Variants in CNTN3 observed in about 807,000 individuals in gnomAD.
The protein encoded by CNTN3 is contactin-3.
CNTN3 carries 60 observed loss-of-function variants against 119.1 expected under a neutral mutation model. That is an observed-to-expected ratio of 0.50 (90% CI 0.41 to 0.62). The LOEUF is 0.62. CNTN3 is among the 20% of genes least tolerant of loss of function. The pLI, the probability that CNTN3 is intolerant of heterozygous loss-of-function variation, is 0.00. For synonymous variants in CNTN3, 450 were observed against 438.7 expected, an observed-to-expected ratio of 1.03 and a Z score of -0.32; for missense variants, 1,101 against 1,242.4, an observed-to-expected ratio of 0.89 and a Z score of 1.71.
chr3:74,303,159 T>C (rs903910814), intron 13 of CNTN3, among the ~76,000 whole-genome samples: 1 of 152,150 alleles, frequency 6.6e-6, no homozygotes, highest in African/African-American at 2.4e-5. Context: ...GCTCAACTCT[T>C]TTCTCTGGTT....
At chr3:74,333,718 C>A (rs1303320197) in intron 13 of CNTN3, among the ~76,000 whole-genome samples, 1 of 151,074 alleles carries the variant, frequency 6.6e-6, no homozygotes, top group African/African-American at 2.5e-5. Context: ...TGGGAGGACA[C>A]AATTCAACTC....
At chr3:74,308,070 T>G (rs1483731767) in intron 13 of CNTN3, among the ~76,000 whole-genome samples, 1 of 152,192 alleles carries the variant, frequency 6.6e-6, no homozygotes, top group African/African-American at 2.4e-5. Flanking sequence ...AAGTTCCTTC[T>G]GGAACCTGGT....
At chr3:74,592,200 C>T (rs1704714901) in intron 1 of CNTN3, among the ~76,000 whole-genome samples, 1 of 151,808 alleles carries the variant, frequency 6.6e-6, no homozygotes, top group Admixed American at 6.6e-5. Context: ...GCTTGTGATC[C>T]TCAGGATTGC....
At chr3:74,292,363 G>C (rs553535092) in intron 19 of CNTN3, among the ~76,000 whole-genome samples, 1 of 152,248 alleles carries the variant, frequency 6.6e-6, no homozygotes, top group African/African-American at 2.4e-5. Context: ...TTGAGAGTTA[G>C]AGACTAGCCT....
chr3:74,442,727 T>G (rs1701987516), intron 4 of CNTN3, among the ~76,000 whole-genome samples: 1 of 152,188 alleles, frequency 6.6e-6, no homozygotes, highest in Admixed American at 6.5e-5. Flanking sequence ...ATAGCTCACA[T>G]TTAATTGGAT....
chr3:74,405,261 ACT>A (rs1705296574), intron 5 of CNTN3, among the ~76,000 whole-genome samples: 1 of 151,958 alleles, frequency 6.6e-6, no homozygotes, highest in African/African-American at 2.4e-5. Flanking sequence ...TCGATAATCT[ACT>A]CTTTCTCTCA....
intron 11 of CNTN3, among the ~76,000 whole-genome samples, chr3:74,356,235 T>G (rs1703931687): frequency 2.0e-5 from 3 of 152,080 alleles, no homozygotes; most frequent in Non-Finnish European, 1.5e-5. Context: ...CCTCCAGAAC[T>G]GTGAACAATA....
intron 5 of CNTN3, among the ~76,000 whole-genome samples, chr3:74,389,317 A>G (rs937150768): frequency 1.3e-5 from 2 of 152,276 alleles, no homozygotes; most frequent in Middle Eastern, 3.4e-3. Context: ...AAGGGAAAAC[A>G]GGTATTCTCC....
Position 74,285,103 on chromosome 3 carries a change from T to C in CNTN3, c.2704+202A>G, listed in dbSNP as rs113230069. The stretch of plus-strand genomic sequence containing the variant: ...GATTTTTTCAGAAGGTGCACGTTCA[T>C]TTTCACACTCTACCTAAAGATTTAG... On this transcript the variant is annotated intron_variant, in intron 20 of 22. Coordinates refer to ENST00000263665, the MANE Select transcript of CNTN3 (RefSeq NM_020872.3). 3.9e-5 allele frequency among the ~76,000 whole-genome samples: 6 copies of C among 152,276 alleles called. 1 individual carries two copies. The highest frequency in any genetic ancestry group is 1.4e-4 in the African/African-American group (6 of 41,532).
intron 11 of CNTN3, among the ~76,000 whole-genome samples, chr3:74,358,702 T>C (rs1178110536): frequency 6.6e-6 from 1 of 151,030 alleles, no homozygotes; most frequent in Non-Finnish European, 1.5e-5. Flanking sequence ...GCTGGTGCGC[T>C]GCACCCACTA....
intron 5 of CNTN3, among the ~76,000 whole-genome samples, chr3:74,409,799 T>TATCCATTC: frequency 6.6e-6 from 1 of 152,332 alleles, no homozygotes; most frequent in Admixed American, 6.5e-5. Flanking sequence ...GTTATTGGAA[T>TATCCATTC]ATCCATTCAA....
chr3:74,301,475 A>T lies in CNTN3; in HGVS notation c.2018T>A (p.Phe673Tyr). ...AATTTTGTTACTGGCTACAACCCGA[A>T]ATTCATATTCCACCCATGGGTTTAA... ...VELNPWVEYE[F>Y]RVVASNKIGG... is the part of the protein sequence containing the mutation. The change falls in exon 16 of 23, where the codon TTT becomes TAT. Residue 673 changes from phenylalanine to tyrosine, a missense_variant. Phe to Tyr is a conservative substitution (Grantham distance 22). Transcript: ENST00000263665. 6.2e-7 allele frequency: 1 copy of T among 1,614,104 alleles called. No homozygotes were observed. The highest frequency in any genetic ancestry group is 8.5e-7 in the Non-Finnish European group (1 of 1,179,994).
At chr3:74,613,077 A>T (rs933812311) in intron 1 of CNTN3, among the ~76,000 whole-genome samples, 1 of 152,224 alleles carries the variant, frequency 6.6e-6, no homozygotes, top group African/African-American at 2.4e-5. Context: ...AAAGTAACAC[A>T]TTTGACTTGA....
At chr3:74,462,593 G>T (rs1702389887) in intron 4 of CNTN3, among the ~76,000 whole-genome samples, 1 of 152,060 alleles carries the variant, frequency 6.6e-6, no homozygotes, top group African/African-American at 2.4e-5. Context: ...AACCAGTCCT[G>T]CTCCGTAGCC....
chr3:74,553,175 A>T (rs1224926159), intron 1 of CNTN3, among the ~76,000 whole-genome samples: 1 of 149,212 alleles, frequency 6.7e-6, no homozygotes, highest in African/African-American at 2.5e-5. Flanking sequence ...TATGAGTGAG[A>T]GCATGCAGTG....
intron 1 of CNTN3, among the ~76,000 whole-genome samples, chr3:74,599,422 C>A (rs139161229): frequency 3.9e-4 from 60 of 152,198 alleles, no homozygotes; most frequent in African/African-American, 1.4e-3. Flanking sequence ...ACCTTTTTGG[C>A]ACCAGGGACC....
rs144313328 is a variant in CNTN3 at position 74,480,365 on chromosome 3, A to C, written c.358+6091T>G. On this transcript the variant is annotated intron_variant, in intron 4 of 22. Transcript: ENST00000263665. ...TATCTTTACGTATTTTGTAAGAATTATGGCTTAAAATTTATGGATTTTGTA... is the reference window on the plus strand; with the variant it reads ...TATCTTTACGTATTTTGTAAGAATTCTGGCTTAAAATTTATGGATTTTGTA... 3.6e-3 allele frequency among the ~76,000 whole-genome samples: 552 copies of C among 152,232 alleles called. 4 individuals are homozygous for C. Among genetic ancestry groups the C allele is most frequent in the Non-Finnish European group, 6.5e-3 (443 of 67,992 alleles).
At chr3:74,528,873 T>G (rs566715994) in intron 1 of CNTN3, among the ~76,000 whole-genome samples, 2 of 152,016 alleles carry the variant, frequency 1.3e-5, no homozygotes, top group South Asian at 2.1e-4. Flanking sequence ...TGCACTGCAG[T>G]AATGCACCAT....
At chr3:74,588,800 C>T (rs551341488) in intron 1 of CNTN3, among the ~76,000 whole-genome samples, 47 of 152,178 alleles carry the variant, frequency 3.1e-4, no homozygotes, top group Admixed American at 1.6e-3. Context: ...GAAATAACGC[C>T]GCATGTCTAC....
Sources: allele counts gnomAD v4.1 joint callset (sites outside exome capture counted in the v4.1 genomes callset), GRCh38; gene constraint gnomAD v4.1.1; transcripts MANE v1.5; gene names NCBI Gene and HGNC (gene_info 2026-07-23, HGNC 2026-07-21).